FBXL7: variants seen among roughly 807,000 people sequenced by gnomAD.
The protein encoded by FBXL7 is F-box/LRR-repeat protein 7.
Under a neutral mutation model 38.3 loss-of-function variants are expected in FBXL7, and 12 were observed. The observed-to-expected ratio is 0.31, with a 90% CI of 0.20 to 0.51. The LOEUF (loss-of-function observed/expected upper bound fraction) is 0.51, where lower values mean the gene tolerates loss of function less well. Ranked by LOEUF, FBXL7 falls within the 20% of genes least tolerant of loss-of-function variation. FBXL7 has a pLI of 0.98. For missense variants in FBXL7, 567 were observed against 676.4 expected, an observed-to-expected ratio of 0.84 and a Z score of 1.79; for synonymous variants, 297 against 300.9, an observed-to-expected ratio of 0.99 and a Z score of 0.13.
chr5:15,904,180 G>A (rs1741300107), intron 2 of FBXL7, among the ~76,000 whole-genome samples: 1 of 152,120 alleles, frequency 6.6e-6, no homozygotes, highest in Non-Finnish European at 1.5e-5. Context: ...ATTTAAAGAT[G>A]TCGTCTTGTG....
At chr5:15,721,471 G>C (rs2126652652) in intron 2 of FBXL7, among the ~76,000 whole-genome samples, 1 of 152,140 alleles carries the variant, frequency 6.6e-6, no homozygotes, top group Non-Finnish European at 1.5e-5. Flanking sequence ...TAGTCTTTGT[G>C]GGGCCTATCT....
At chr5:15,631,846 C>A (rs192150313) in intron 2 of FBXL7, among the ~76,000 whole-genome samples, 1 of 152,074 alleles carries the variant, frequency 6.6e-6, no homozygotes. Context: ...CAGAAACCAA[C>A]TTCTAGTTTT....
At position 15,592,905 on chromosome 5, in the gene FBXL7, G is replaced by A. The variant is rs1739524508; in HGVS notation, c.38-23078G>A. Among the ~76,000 whole-genome samples, 3 of 152,164 alleles carry A rather than the reference G, an allele frequency of 2.0e-5. No homozygotes were observed. In the South Asian group the frequency reaches 6.2e-4, roughly 31 times the overall value. On this transcript the variant is annotated intron_variant, in intron 1 of 3. Coordinates refer to ENST00000504595, the MANE Select transcript of FBXL7 (RefSeq NM_012304.5). Reference sequence around the variant, plus strand: ...TTGTAAATGAATAGCAAAAAGAGTAGTGATGAAAGACAGAGTCCAGGATAA... The same window carrying A: ...TTGTAAATGAATAGCAAAAAGAGTAATGATGAAAGACAGAGTCCAGGATAA...
intron 2 of FBXL7, among the ~76,000 whole-genome samples, chr5:15,817,391 T>C (rs1738047150): frequency 6.6e-6 from 1 of 152,030 alleles, no homozygotes; most frequent in Non-Finnish European, 1.5e-5. Flanking sequence ...CTATTAGTAA[T>C]AGATAAGGAG....
chr5:15,517,103 T>G (rs946214301), intron 1 of FBXL7, among the ~76,000 whole-genome samples: 1 of 151,894 alleles, frequency 6.6e-6, no homozygotes, highest in Non-Finnish European at 1.5e-5. Context: ...CTCGGCTCAC[T>G]GCAAGCTCCG....
intron 1 of FBXL7, among the ~76,000 whole-genome samples, chr5:15,590,541 G>T (rs1277747144): frequency 6.6e-6 from 1 of 151,944 alleles, no homozygotes; most frequent in Admixed American, 6.6e-5. Context: ...GTCTTCTCTA[G>T]CCCTAGTAAA....
chr5:15,531,112 C>T lies in FBXL7; in HGVS notation c.37+30399C>T, dbSNP rs548289289. 9.9e-5 allele frequency among the ~76,000 whole-genome samples: 15 copies of T among 152,188 alleles called. No homozygotes were observed. In the East Asian group the frequency reaches 2.1e-3, roughly 22 times the overall value. ...AAGAGCTATCCCTGATCCAGACATG[C>T]GCTACTAGCAAAGCTTCGAACAATA... On this transcript the variant is annotated intron_variant, in intron 1 of 3. Transcript: ENST00000504595.
intron 1 of FBXL7, among the ~76,000 whole-genome samples, chr5:15,550,025 C>G (rs571267367): frequency 6.6e-6 from 1 of 152,142 alleles, no homozygotes; most frequent in Admixed American, 6.5e-5. Flanking sequence ...GCAGAAACTT[C>G]TGTACAAAAA....
chr5:15,773,114 G>A (rs540535993), intron 2 of FBXL7, among the ~76,000 whole-genome samples: 5 of 152,146 alleles, frequency 3.3e-5, no homozygotes, highest in East Asian at 3.9e-4. Flanking sequence ...AAGGCTGGTT[G>A]TTTTAAACTC....
chr5:15,628,784 A>G (rs1450250716), intron 2 of FBXL7, among the ~76,000 whole-genome samples: 1 of 152,140 alleles, frequency 6.6e-6, no homozygotes, highest in Non-Finnish European at 1.5e-5. Flanking sequence ...AAAAATTACT[A>G]TTCTTTTTAT....
chr5:15,563,263 GC>G (rs1192517807), intron 1 of FBXL7, among the ~76,000 whole-genome samples: 1 of 152,156 alleles, frequency 6.6e-6, no homozygotes, highest in Non-Finnish European at 1.5e-5. Context: ...GCTAACACTT[GC>G]TTGAGCAAGT....
chr5:15,870,064 T>C (rs1052357381), intron 2 of FBXL7, among the ~76,000 whole-genome samples: 1 of 152,144 alleles, frequency 6.6e-6, no homozygotes, highest in African/African-American at 2.4e-5. Flanking sequence ...GATCCGCGAT[T>C]GCACCACTGT....
chr5:15,587,507 G>A (rs1323618325), intron 1 of FBXL7, among the ~76,000 whole-genome samples: 2 of 152,194 alleles, frequency 1.3e-5, no homozygotes, highest in Non-Finnish European at 2.9e-5. Context: ...CTGTGTCTCT[G>A]AAGGTGGGAA....
At chr5:15,640,522 G>C (rs888628137) in intron 2 of FBXL7, among the ~76,000 whole-genome samples, 6 of 139,176 alleles carry the variant, frequency 4.3e-5, no homozygotes, top group Admixed American at 1.5e-4. Context: ...TTAGGGCTTT[G>C]TTTTTTTTTG....
intron 1 of FBXL7, among the ~76,000 whole-genome samples, chr5:15,521,846 G>C (rs1453041350): frequency 1.3e-5 from 2 of 152,210 alleles, no homozygotes; most frequent in East Asian, 1.9e-4. Flanking sequence ...TCCTCGAATT[G>C]TTCTTGCTTT....
chr5:15,912,602 C>A (rs1741466550), intron 2 of FBXL7, among the ~76,000 whole-genome samples: 1 of 152,100 alleles, frequency 6.6e-6, no homozygotes, highest in Admixed American at 6.5e-5. Context: ...GAATTCTACT[C>A]CACAACTGAA....
intron 2 of FBXL7, among the ~76,000 whole-genome samples, chr5:15,653,038 C>G (rs1443709539): frequency 6.6e-6 from 1 of 151,512 alleles, no homozygotes; most frequent in Non-Finnish European, 1.5e-5. Flanking sequence ...AAATTAAAAA[C>G]AAAAACAAAA....
intron 2 of FBXL7, among the ~76,000 whole-genome samples, chr5:15,674,866 A>G (rs1430017822): frequency 2.0e-5 from 3 of 152,204 alleles, no homozygotes; most frequent in Non-Finnish European, 4.4e-5. Context: ...TTGACCTGAT[A>G]AACTCACAGC....
rs139921284 is a variant in FBXL7, at chr5:15,931,587, C to G, written c.739+3086C>G. On this transcript the variant is annotated intron_variant, in intron 3 of 3. Transcript: ENST00000504595. ...CCATTTACTTTCCTGCATGAAACCT[C>G]CAATAATTGCTCCCTATGACCTACA... Among the ~76,000 whole-genome samples, 215 of 152,304 alleles carry G rather than the reference C, an allele frequency of 1.4e-3. 2 individuals carry two copies. The highest frequency in any genetic ancestry group is 4.9e-3 in the African/African-American group (205 of 41,554).
Sources: allele counts gnomAD v4.1 joint callset (sites outside exome capture counted in the v4.1 genomes callset), GRCh38; gene constraint gnomAD v4.1.1; transcripts MANE v1.5; gene names NCBI Gene and HGNC (gene_info 2026-07-23, HGNC 2026-07-21).